ERICH1: variants seen among roughly 807,000 people sequenced by gnomAD.
The protein encoded by ERICH1 is glutamate-rich protein 1.
Under a neutral mutation model 39.6 loss-of-function variants are expected in ERICH1, and 56 were observed. The observed-to-expected ratio is 1.41, with a 90% CI of 1.14 to 1.77. The LOEUF is 1.77. Among genes scored for constraint, ERICH1 ranks in the 40% most tolerant of loss-of-function variants. ERICH1 has a pLI of 0.00. For missense variants in ERICH1, 826 were observed against 575.4 expected (o/e 1.44, Z -4.45); for synonymous variants, 313 against 223.6 (o/e 1.40, Z -3.57).
Position 645,935 on chromosome 8 carries a change from C to T in ERICH1, c.976+22663G>A, listed in dbSNP as rs1361954910. ...TCAGGCATTTCTGCATGTTGAGTGC[C>T]GTGTCTGTACATCCGTGAGATGCAC... is the stretch of plus-strand genomic sequence containing the variant. On this transcript the variant is annotated intron_variant, in intron 3 of 3. Coordinates refer to the ERICH1 transcript ENST00000522706. Among the ~76,000 whole-genome samples the T allele has an allele frequency of 4.9e-4, 34 of 69,588 alleles. 17 individuals are homozygous for T. Among genetic ancestry groups the T allele is most frequent in the Admixed American group, 2.5e-4 (2 of 8,090 alleles). 45.7% of individuals were successfully genotyped at this position (69,588 alleles called of 152,430 possible).
At chr8:640,292 A>T (rs1030885616) in intron 3 of ERICH1, among the ~76,000 whole-genome samples, 2 of 152,120 alleles carry the variant, frequency 1.3e-5, no homozygotes, top group African/African-American at 4.8e-5. Flanking sequence ...TCACATCCCA[A>T]TTCCTCTCTG....
At chr8:708,696 T>TTTTTTTTTTTTTTTTTTTTTTTTTTTTG (rs1563319661) in intron 2 of ERICH1, among the ~76,000 whole-genome samples, 1 of 138,256 alleles carries the variant, frequency 7.2e-6, no homozygotes. Flanking sequence ...TTTTTTTTTT[T>TTTTTTTTTTTTTTTTTTTTTTTTTTTTG]TTTTTTTTTT....
chr8:703,092 G>A (rs574228793), intron 2 of ERICH1, among the ~76,000 whole-genome samples: 90 of 152,228 alleles, frequency 5.9e-4, no homozygotes, highest in Non-Finnish European at 8.2e-4. Context: ...TCCACCTTCC[G>A]AATTTCAGGC....
chr8:691,391 G>A (rs549901456), intron 3 of ERICH1, among the ~76,000 whole-genome samples: 33 of 152,370 alleles, frequency 2.2e-4, no homozygotes, highest in African/African-American at 7.0e-4. Context: ...ATGGCCAAGC[G>A]AGCCTTCTAC....
intron 3 of ERICH1, among the ~76,000 whole-genome samples, chr8:639,644 G>A (rs1249501834): frequency 1.4e-5 from 2 of 147,762 alleles, no homozygotes; most frequent in Non-Finnish European, 3.0e-5. Context: ...ACACGACCAA[G>A]CACCCTGGAT....
chr8:728,385 G>C (rs1819284260), intron 1 of ERICH1, among the ~76,000 whole-genome samples: 1 of 152,192 alleles, frequency 6.6e-6, no homozygotes, highest in African/African-American at 2.4e-5. Context: ...GTCAACGCCA[G>C]ATGCAGTCAC....
At chr8:616,665 G>C in intron 3 of ERICH1, 1 of 452,356 alleles carries the variant, frequency 2.2e-6, no homozygotes, top group South Asian at 1.6e-5. Flanking sequence ...GGGCGCGGGG[G>C]ACAGAGGCAG....
At position 635,852 on chromosome 8, in the gene ERICH1, C is replaced by G. The variant is rs1205852852; in HGVS notation, c.977-20568G>C. On this transcript the variant is annotated intron_variant, in intron 3 of 3. Coordinates refer to the ERICH1 transcript ENST00000522706. ...TTGGCTCACCAAAGTTTGTGTTCAA[C>G]CAACTCTGGATCCAAAACGCAGCAG... 3.9e-5 allele frequency among the ~76,000 whole-genome samples: 6 copies of G among 152,358 alleles called. No individual in the cohort carries two copies. The East Asian group carries it at 1.2e-3, about 29-fold the overall frequency.
At chr8:631,960 G>A (rs1452817517) in intron 3 of ERICH1, among the ~76,000 whole-genome samples, 1 of 152,100 alleles carries the variant, frequency 6.6e-6, no homozygotes, top group African/African-American at 2.4e-5. Flanking sequence ...TCCCAAAGGT[G>A]CTTCCTGTCC....
chr8:692,262 A>G (rs1246831818), intron 3 of ERICH1, among the ~76,000 whole-genome samples: 1 of 152,216 alleles, frequency 6.6e-6, no homozygotes, highest in Admixed American at 6.5e-5. Flanking sequence ...TCTCCTCCAT[A>G]TGAAGTCTTT....
Position 692,509 on chromosome 8 carries a change from G to C in ERICH1, c.273C>G (p.Pro91=). ...CWPEPSSCGS[P]ENASSGDDTE... is the part of the protein sequence containing the mutation. ...TGTCATCCCCGCTGGAGGCGTTCTC[G>C]GGGCTCCCACAGCTGCTGGGCTCCG... Residue 91 remains proline (P), a synonymous_variant, in exon 3 of 6, where the codon CCC becomes CCG. Transcript: ENST00000262109. 2.5e-6 allele frequency: 4 copies of C among 1,613,908 alleles called. No homozygotes were observed. Among genetic ancestry groups the C allele is most frequent in the Non-Finnish European group, 3.4e-6 (4 of 1,179,932 alleles).
chr8:695,010 G>A lies in ERICH1; in HGVS notation c.170-2398C>T, dbSNP rs1055870017. ...CAAGTCACAAGCACCAGCATCCCTC[G>A]GGAAAGGCAGAGGGGCGTGGTGGCT... On this transcript the variant is annotated intron_variant, in intron 2 of 5. Coordinates refer to ENST00000262109, the MANE Select transcript of ERICH1 (RefSeq NM_207332.3). 7.2e-5 allele frequency among the ~76,000 whole-genome samples: 11 copies of A among 152,244 alleles called. No individual in the cohort carries two copies. The South Asian group carries it at 1.4e-3, about 20-fold the overall frequency.
chr8:685,933 C>T (rs1218548001), intron 3 of ERICH1, among the ~76,000 whole-genome samples: 1 of 150,732 alleles, frequency 6.6e-6, no homozygotes, highest in East Asian at 1.9e-4. Context: ...TCACTTGACC[C>T]CAGCGGTTCG....
At chr8:653,783 C>T (rs1384673765) in intron 3 of ERICH1, among the ~76,000 whole-genome samples, 14 of 151,886 alleles carry the variant, frequency 9.2e-5, no homozygotes, top group African/African-American at 3.1e-4. Context: ...GGACGAATCC[C>T]GCAGGGTGGC....
chr8:718,759 G>A (rs927481025), intron 1 of ERICH1, among the ~76,000 whole-genome samples: 4 of 152,190 alleles, frequency 2.6e-5, no homozygotes, highest in African/African-American at 4.8e-5. Flanking sequence ...CTGGCACAGC[G>A]TGCAGGGACC....
chr8:707,254 C>G (rs1346938531), intron 2 of ERICH1, among the ~76,000 whole-genome samples: 1 of 145,098 alleles, frequency 6.9e-6, no homozygotes, highest in Non-Finnish European at 1.5e-5. Flanking sequence ...ATCACCCAGG[C>G]TGGAGTGCAA....
At position 673,157 on chromosome 8, in the gene ERICH1, T is replaced by C. The variant is rs1406689942; in HGVS notation, c.1063+132A>G. On this transcript the variant is annotated intron_variant, in intron 4 of 5. Coordinates refer to ENST00000262109, the MANE Select transcript of ERICH1 (RefSeq NM_207332.3). Reference sequence around the variant, plus strand: ...ATTGAATATTTTTTACTTATATTAGTTGCCTTACAACTAATTATTTTACAT... The same window carrying C: ...ATTGAATATTTTTTACTTATATTAGCTGCCTTACAACTAATTATTTTACAT... 59 of 1,123,130 alleles carry C rather than the reference T, an allele frequency of 5.3e-5. No individual in the cohort carries two copies. The South Asian group carries it at 9.3e-4, about 18-fold the overall frequency. The allele number at this position is 1,123,130 out of a possible 1,614,324, so 69.6% of individuals were successfully genotyped here.
intron 2 of ERICH1, among the ~76,000 whole-genome samples, chr8:713,924 G>A (rs1057337659): frequency 6.6e-6 from 1 of 152,032 alleles, no homozygotes; most frequent in Admixed American, 6.6e-5. Context: ...CTGGGGAACC[G>A]AATGGACCCG....
At chr8:616,311 G>A (rs1189430539) in intron 3 of ERICH1, 1 of 338,900 alleles carries the variant, frequency 3.0e-6, no homozygotes, top group East Asian at 8.0e-5. Flanking sequence ...CAAGCATGGG[G>A]CAAGAGGGAC....
Sources: gnomAD v4.1 joint callset for allele counts (sites outside exome capture counted in the v4.1 genomes callset) on GRCh38, gnomAD v4.1.1 for gene constraint, MANE v1.5 for transcripts, NCBI Gene and HGNC (gene_info 2026-07-23, HGNC 2026-07-21) for gene names.